Variants in FLYWCH2 observed in about 807,000 individuals in gnomAD.
The protein encoded by FLYWCH2 is FLYWCH family member 2.
In FLYWCH2, 2 loss-of-function variants were observed where a neutral mutation model predicts 6.0. The observed-to-expected ratio is 0.33, with a 90% CI of 0.14 to 1.04. FLYWCH2 has a LOEUF of 1.04. Among genes scored for constraint, FLYWCH2 ranks in the 50% least tolerant of loss-of-function variants. The pLI is 0.45. For missense variants in FLYWCH2, 192 were observed against 183.4 expected, an observed-to-expected ratio of 1.05 and a Z score of -0.27; for synonymous variants, 87 against 79.3, an observed-to-expected ratio of 1.10 and a Z score of -0.52.
rs573347314 is a variant in FLYWCH2, at chr16:2,887,431, G to A, written c.-200+4065G>A. Among the ~76,000 whole-genome samples, 40 of 150,848 alleles carry A rather than the reference G, an allele frequency of 2.7e-4. 1 individual carries two copies. The highest frequency in any genetic ancestry group is 8.4e-4 in the South Asian group (4 of 4,774). On this transcript the variant is annotated intron_variant, in intron 1 of 3. Transcript: ENST00000396958. Reference sequence around the variant, plus strand: ...CCACCTCAGCCTCCCAAAGTGCTAGGTTTATAGGCATGAGCCACCATGCCT... The same window carrying A: ...CCACCTCAGCCTCCCAAAGTGCTAGATTTATAGGCATGAGCCACCATGCCT...
At chr16:2,885,495 C>T (rs1358540088) in intron 1 of FLYWCH2, among the ~76,000 whole-genome samples, 1 of 152,132 alleles carries the variant, frequency 6.6e-6, no homozygotes, top group Non-Finnish European at 1.5e-5. Context: ...GAGATAACCA[C>T]AAATCTACGT....
chr16:2,892,616 C>T (rs1183064707), intron 1 of FLYWCH2, among the ~76,000 whole-genome samples: 4 of 151,858 alleles, frequency 2.6e-5, no homozygotes, highest in Admixed American at 1.3e-4. Flanking sequence ...GAGGCTGAGG[C>T]GGGTGGATCA....
At chr16:2,892,623 A>G (rs991456261) in intron 1 of FLYWCH2, among the ~76,000 whole-genome samples, 5 of 152,014 alleles carry the variant, frequency 3.3e-5, no homozygotes, top group African/African-American at 9.7e-5. Context: ...AGGCGGGTGG[A>G]TCACGAGGTC....
At chr16:2,894,762 A>G (rs2069798827) in intron 1 of FLYWCH2, among the ~76,000 whole-genome samples, 2 of 148,672 alleles carry the variant, frequency 1.3e-5, no homozygotes, top group Non-Finnish European at 3.0e-5. Context: ...TCAGAGGACT[A>G]CAGAGGGAAG....
intron 1 of FLYWCH2, among the ~76,000 whole-genome samples, chr16:2,888,484 C>CAAAA (rs76190008): frequency 9.5e-6 from 1 of 105,796 alleles, no homozygotes; most frequent in African/African-American, 3.6e-5. Context: ...TCAGTTTCTC[C>CAAAA]AAAAAAAAAA....
At chr16:2,896,960 C>T (rs1193759484) in intron 3 of FLYWCH2, 189 bp downstream of exon 3, 1 of 624,738 alleles carries the variant, frequency 1.6e-6, no homozygotes, top group Non-Finnish European at 2.8e-6. Flanking sequence ...CCAACCCTGC[C>T]TCTGAGCGGC....
At chr16:2,894,505 C>T (rs1423393778) in intron 1 of FLYWCH2, among the ~76,000 whole-genome samples, 1 of 152,200 alleles carries the variant, frequency 6.6e-6, no homozygotes, top group Non-Finnish European at 1.5e-5. Context: ...TAACTCTTTA[C>T]GGCCCCAGAG....
At chr16:2,894,226 C>A (rs544340030) in intron 1 of FLYWCH2, among the ~76,000 whole-genome samples, 1 of 152,242 alleles carries the variant, frequency 6.6e-6, no homozygotes, top group Non-Finnish European at 1.5e-5. Context: ...ACTGCTGTAT[C>A]TTGCAGGAAT....
In FLYWCH2 at chr16:2,893,530, C is replaced by T. The variant is rs148212416; in HGVS notation, c.-199-1690C>T. Among the ~76,000 whole-genome samples the T allele has an allele frequency of 1.3e-3, 190 of 151,796 alleles. 1 individual carries two copies. In the East Asian group the frequency reaches 0.031, roughly 25 times the overall value. ...AGATTTTTTTATTTTCCTGACTTTT[C>T]GCTTTGGAGAATTAGTCAATAGTTT... On this transcript the variant is annotated intron_variant, in intron 1 of 3. Transcript: ENST00000396958.
In FLYWCH2 at chr16:2,897,121, C is replaced by CG. The variant is rs1484337157; in HGVS notation, c.322+355dup. Among the ~76,000 whole-genome samples, 3 of 152,178 alleles carry CG rather than the reference C, an allele frequency of 2.0e-5. No individual in the cohort carries two copies. In the East Asian group the frequency reaches 5.8e-4, roughly 29 times the overall value. On this transcript the variant is annotated intron_variant, in intron 3 of 3. Transcript: ENST00000396958. ...GCTGTTCGATGAGGGTCTCTAAGAC[C>CG]GGGGGCTTGATGGGTCACCTTTCCA...
chr16:2,883,318 G>C lies in FLYWCH2; in HGVS notation c.-248G>C, dbSNP rs1330615901. Reference sequence around the variant, plus strand: ...TGGGGCCCTTGGCGCGGAGGCTGAGGGACCCGCCGCGGCGCTGTCGCCGGA... The same window carrying C: ...TGGGGCCCTTGGCGCGGAGGCTGAGCGACCCGCCGCGGCGCTGTCGCCGGA... On this transcript the variant is annotated 5_prime_UTR_variant, in exon 1 of 4. Coordinates refer to ENST00000396958, the MANE Select transcript of FLYWCH2 (RefSeq NM_138439.3). 1.3e-5 allele frequency: 2 copies of C among 152,390 alleles called. No homozygotes were observed. The highest frequency in any genetic ancestry group is 4.8e-5 in the African/African-American group (2 of 41,472). The allele number at this position is 152,390 out of a possible 1,614,324, so 9.4% of individuals were successfully genotyped here. A position where few individuals can be genotyped will look rare whatever the true frequency, so the allele number is the denominator to read the frequency against.
intron 1 of FLYWCH2, among the ~76,000 whole-genome samples, chr16:2,894,506 G>A (rs1424643996): frequency 6.6e-6 from 1 of 152,152 alleles, no homozygotes; most frequent in African/African-American, 2.4e-5. Context: ...AACTCTTTAC[G>A]GCCCCAGAGT....
chr16:2,884,866 C>T (rs919264476), intron 1 of FLYWCH2, among the ~76,000 whole-genome samples: 2 of 148,994 alleles, frequency 1.3e-5, no homozygotes, highest in African/African-American at 4.9e-5. Context: ...AAGAGCGATA[C>T]TCCGTCTAAA....
intron 1 of FLYWCH2, among the ~76,000 whole-genome samples, chr16:2,891,276 G>T (rs1309282588): frequency 6.6e-6 from 1 of 152,212 alleles, no homozygotes; most frequent in Admixed American, 6.5e-5. Context: ...TGACATAATA[G>T]GACTTTTTTT....
chr16:2,899,326 T>C lies in FLYWCH2; in HGVS notation c.*177T>C. ...TACTTTTGTAAGCAGAAAAATACTT[T>C]CAAACAAGAATAAAAGAAGCTGTTC... On this transcript the variant is annotated 3_prime_UTR_variant, in exon 4 of 4. Transcript: ENST00000396958. The C allele has an allele frequency of 1.9e-6, 1 of 519,080 alleles. No homozygotes were observed. Among genetic ancestry groups the C allele is most frequent in the Non-Finnish European group, 3.4e-6 (1 of 298,222 alleles). 32.2% of individuals were successfully genotyped at this position (519,080 alleles called of 1,614,324 possible).
chr16:2,897,461 C>G (rs1234243782), intron 3 of FLYWCH2, among the ~76,000 whole-genome samples: 1 of 152,170 alleles, frequency 6.6e-6, no homozygotes, highest in Non-Finnish European at 1.5e-5. Flanking sequence ...GGTTCATTCC[C>G]TGTGCTTTGC....
In FLYWCH2 at chr16:2,891,297, G is replaced by A. The variant is rs951322590; in HGVS notation, c.-199-3923G>A. 7.2e-5 allele frequency among the ~76,000 whole-genome samples: 11 copies of A among 152,314 alleles called. No homozygotes were observed. The South Asian group carries it at 1.9e-3, about 26-fold the overall frequency. ...AATAGGACTTTTTTTCCTGACTCAG[G>A]TCCCAGGTCAAGGACCAAGGATGTG... On this transcript the variant is annotated intron_variant, in intron 1 of 3. Transcript: ENST00000396958.
At chr16:2,894,147 T>G (rs1167501995) in intron 1 of FLYWCH2, among the ~76,000 whole-genome samples, 2 of 151,914 alleles carry the variant, frequency 1.3e-5, no homozygotes, top group Non-Finnish European at 2.9e-5. Flanking sequence ...AGTGTGGAGG[T>G]CTCGGAGAAT....
At chr16:2,891,221 C>T (rs1232370527) in intron 1 of FLYWCH2, among the ~76,000 whole-genome samples, 2 of 152,094 alleles carry the variant, frequency 1.3e-5, no homozygotes, top group East Asian at 1.9e-4. Context: ...GTGATGGGGA[C>T]ACTGGGAAGG....
Sources: gnomAD v4.1 joint callset for allele counts (sites outside exome capture counted in the v4.1 genomes callset) on GRCh38, gnomAD v4.1.1 for gene constraint, MANE v1.5 for transcripts, NCBI Gene and HGNC (gene_info 2026-07-23, HGNC 2026-07-21) for gene names.